The following EDRF1 variants were observed in gnomAD, a reference collection of about 807,000 sequenced individuals.
EDRF1 encodes erythroid differentiation regulatory factor 1.
EDRF1 carries 69 observed loss-of-function variants against 148.7 expected under a neutral mutation model. The observed-to-expected ratio is 0.46, with a 90% CI of 0.38 to 0.57. The LOEUF (loss-of-function observed/expected upper bound fraction) is 0.57. Ranked by LOEUF, EDRF1 falls within the 20% of genes least tolerant of loss-of-function variation. The probability of loss-of-function intolerance (pLI) is 0.00; values close to 1 mark genes in which losing one functional copy is unlikely to be tolerated. For missense variants in EDRF1, 1,118 were observed against 1,478.7 expected (o/e 0.76, Z 4.00); for synonymous variants, 515 against 532.8 (o/e 0.97, Z 0.46).
chr10:125,755,399 T>C (rs1389998332), intron 24 of EDRF1, among the ~76,000 whole-genome samples: 1 of 152,216 alleles, frequency 6.6e-6, no homozygotes, highest in Non-Finnish European at 1.5e-5. Flanking sequence ...TCCAGTTTGC[T>C]GATATTTTGT....
chr10:125,738,543 G>C (rs1299439552), intron 15 of EDRF1, 98 bp downstream of exon 15: 2 of 1,415,676 alleles, frequency 1.4e-6, no homozygotes, highest in South Asian at 2.4e-5. Context: ...TAATTGAAAG[G>C]CATTGAGAAA....
intron 18 of EDRF1, chr10:125,745,452 C>T (rs1345537058): frequency 3.8e-6 from 2 of 524,528 alleles, no homozygotes; most frequent in Non-Finnish European, 3.4e-6. Context: ...TTAATTACGT[C>T]TTTAAAGGAC....
chr10:125,749,754 T>C (rs951883455), intron 22 of EDRF1, 189 bp downstream of exon 22: 1 of 660,560 alleles, frequency 1.5e-6, no homozygotes, highest in African/African-American at 1.8e-5. Context: ...CTTAGAGGAA[T>C]GTATTAGATT....
Position 125,734,087 on chromosome 10 carries a change from G to A in EDRF1, c.1401G>A (p.Met467Ile). The change falls in exon 12 of 25, where the codon ATG (methionine) becomes ATA (isoleucine). Residue 467 changes from methionine to isoleucine, a missense_variant. By Grantham distance (10) the Met-to-Ile change is conservative. This residue lies in a region of EDRF1 where 954 missense variants were observed against 1,241.4 expected (regional missense o/e 0.77). Transcript: ENST00000356792. ...CTTTTTTTAGGGTTGCTTGCAACAT[G>A]ATGATGAAGAAGAATCAAAATAAGA... ...AILLYKVACN[M>I]MMKKNQNKKH... 6.2e-7 allele frequency: 1 copy of A among 1,612,922 alleles called. No individual in the cohort carries two copies. Among genetic ancestry groups the A allele is most frequent in the Non-Finnish European group, 8.5e-7 (1 of 1,179,036 alleles).
chr10:125,738,134 T>A, intron 14 of EDRF1, 145 bp downstream of exon 14: 1 of 1,365,980 alleles, frequency 7.3e-7, no homozygotes, highest in East Asian at 2.3e-5. Context: ...AAAATCAGAT[T>A]TGTTTTTCCC....
At chr10:125,745,396 C>T in intron 18 of EDRF1, 1 of 380,548 alleles carries the variant, frequency 2.6e-6, no homozygotes, top group East Asian at 5.6e-5. Flanking sequence ...TAAAAGGACA[C>T]CAGTCATACT....
In EDRF1 at chr10:125,734,124, A is replaced by G; in HGVS notation, c.1438A>G (p.Thr480Ala). 6.2e-7 allele frequency: 1 copy of G among 1,613,358 alleles called. No homozygotes were observed. ...KKNQNKKHYGTIRTLLLNCLK... is the reference protein window; with the variant it reads ...KKNQNKKHYGAIRTLLLNCLK... ...GAATCAAAATAAGAAACACTATGGA[A>G]CTATTAGAACATTGCTTCTTAATTG... Residue 480 changes from threonine (T) to alanine (A), a missense_variant, in exon 12 of 25, where the codon ACT becomes GCT. This residue lies in a region of EDRF1 where 954 missense variants were observed against 1,241.4 expected (regional missense o/e 0.77). Coordinates refer to ENST00000356792, the MANE Select transcript of EDRF1 (RefSeq NM_001202438.2).
intron 6 of EDRF1, among the ~76,000 whole-genome samples, chr10:125,727,564 T>C (rs1396257838): frequency 6.6e-6 from 1 of 152,206 alleles, no homozygotes. Context: ...TGATAACTTG[T>C]CTGTGTAAAC....
In EDRF1 at chr10:125,738,461, G is replaced by A. The variant is rs2133710789; in HGVS notation, c.1981+16G>A. The stretch of plus-strand genomic sequence containing the variant: ...TTGGACAAAAGTAAGTTGAATTGAT[G>A]TGCAAATAAGGCCTTCAATAGAATA... On this transcript the variant is annotated intron_variant, in intron 15 of 24. Transcript: ENST00000356792. 1.9e-5 allele frequency: 30 copies of A among 1,613,950 alleles called. No individual in the cohort carries two copies. The highest frequency in any genetic ancestry group is 2.4e-5 in the Non-Finnish European group (28 of 1,179,896).
rs1198456997 is a variant in EDRF1, at chr10:125,762,517, G to A, written c.3546-784G>A. 4.6e-5 allele frequency among the ~76,000 whole-genome samples: 7 copies of A among 151,368 alleles called. No individual in the cohort carries two copies. In the South Asian group the frequency reaches 1.5e-3, roughly 32 times the overall value. ...AAAAAAAAAAAAAGATGCTAGATAT[G>A]AACTGCCACGTAATTACTAGTCTTT... On this transcript the variant is annotated intron_variant, in intron 24 of 24. Coordinates refer to ENST00000356792, the MANE Select transcript of EDRF1 (RefSeq NM_001202438.2).
intron 9 of EDRF1, among the ~76,000 whole-genome samples, chr10:125,731,347 C>T (rs1047766210): frequency 6.6e-6 from 1 of 152,086 alleles, no homozygotes; most frequent in Non-Finnish European, 1.5e-5. Flanking sequence ...CCATTCAGGT[C>T]TGGAGGAAAG....
intron 19 of EDRF1, 142 bp from the exon 20 acceptor site, chr10:125,747,394 A>G (rs961912816): frequency 6.2e-6 from 6 of 960,426 alleles, no homozygotes; most frequent in Non-Finnish European, 8.0e-6. Flanking sequence ...TACTTTTTTC[A>G]TTTCCTCATA....
At chr10:125,742,699 C>T (rs961385801) in intron 17 of EDRF1, 1 of 984,476 alleles carries the variant, frequency 1.0e-6, no homozygotes, top group Admixed American at 6.1e-5. Context: ...AATATTGGGA[C>T]ATTATTTCAA....
At chr10:125,739,735 TTGCAGAGCA>T (rs1378380757) in intron 15 of EDRF1, among the ~76,000 whole-genome samples, 3 of 152,228 alleles carry the variant, frequency 2.0e-5, no homozygotes, top group African/African-American at 7.2e-5. Context: ...TTTTTGTTAT[TTGCAGAGCA>T]AAATTTTCCA....
rs1349066876 is a variant in EDRF1 at position 125,763,512 on chromosome 10, C to T, written c.*40C>T. The T allele has an allele frequency of 1.5e-5, 24 of 1,590,954 alleles. No individual in the cohort carries two copies. The highest frequency in any genetic ancestry group is 2.0e-5 in the Non-Finnish European group (23 of 1,172,448). Reference sequence around the variant, plus strand: ...GTCCCAGACACGCTGTCAGTGCCTTCAACACGGAGCCGGTTTGTTCATTCG... The same window carrying T: ...GTCCCAGACACGCTGTCAGTGCCTTTAACACGGAGCCGGTTTGTTCATTCG... On this transcript the variant is annotated 3_prime_UTR_variant, in exon 25 of 25. Transcript: ENST00000356792. This position sits in a 1 kb window ranked among gnomAD's most constrained non-coding sequence, Gnocchi z 4.3.
intron 11 of EDRF1, 124 bp from the exon 12 acceptor site, chr10:125,733,948 T>C: frequency 2.1e-6 from 2 of 933,136 alleles, no homozygotes; most frequent in Admixed American, 2.1e-5. Flanking sequence ...GGGTAAAGTG[T>C]AAAGTTTAGT....
intron 6 of EDRF1, among the ~76,000 whole-genome samples, chr10:125,728,477 T>G (rs1235282852): frequency 6.6e-6 from 1 of 152,168 alleles, no homozygotes; most frequent in Non-Finnish European, 1.5e-5. Context: ...AACTGGAGAC[T>G]GTTAAGATAA....
At chr10:125,742,626 C>T (rs1849089546) in intron 17 of EDRF1, 10 of 985,284 alleles carry the variant, frequency 1.0e-5, no homozygotes, top group Non-Finnish European at 1.2e-5. Context: ...ACTCTAGTCC[C>T]CACTAGATGG....
chr10:125,729,351 A>G lies in EDRF1; in HGVS notation c.895-7A>G. 2 of 1,612,610 alleles carry G rather than the reference A, an allele frequency of 1.2e-6. No individual in the cohort carries two copies. Among genetic ancestry groups the G allele is most frequent in the Non-Finnish European group, 1.7e-6 (2 of 1,178,676 alleles). On this transcript the variant is annotated splice_polypyrimidine_tract_variant and splice_region_variant and intron_variant, in intron 7 of 24. Coordinates refer to ENST00000356792, the MANE Select transcript of EDRF1 (RefSeq NM_001202438.2). The stretch of plus-strand genomic sequence containing the variant: ...TTTATTATAATCCTCCCTATTTTAA[A>G]TCACAGGGTCTTAAAAATGATTTTG...
Sources: allele counts gnomAD v4.1 joint callset (sites outside exome capture counted in the v4.1 genomes callset), GRCh38; gene constraint gnomAD v4.1.1; regional missense constraint gnomAD v4.1.1; non-coding constraint Gnocchi (gnomAD v3.1); transcripts MANE v1.5; gene names NCBI Gene and HGNC (gene_info 2026-07-23, HGNC 2026-07-21).